The following PMM2 variants were observed in gnomAD, a reference collection of about 807,000 sequenced individuals.
The protein encoded by PMM2 is phosphomannomutase 2.
A neutral mutation model predicts 33.2 loss-of-function variants in PMM2; 35 were observed. The observed-to-expected ratio is 1.06, with a 90% CI of 0.81 to 1.40. The LOEUF (loss-of-function observed/expected upper bound fraction) is 1.40. Among genes scored for constraint, PMM2 ranks in the 40% most tolerant of loss-of-function variants. The probability of loss-of-function intolerance (pLI) is 0.00; values close to 1 mark genes in which losing one functional copy is unlikely to be tolerated. For missense variants in PMM2, 386 were observed against 306.0 expected (o/e 1.26, Z -1.95); for synonymous variants, 153 against 114.7 (o/e 1.33, Z -2.13).
At chr16:8,817,864 ATTTTAT>A (rs1189691290) in intron 7 of PMM2, among the ~76,000 whole-genome samples, 4 of 150,618 alleles carry the variant, frequency 2.7e-5, no homozygotes, top group Non-Finnish European at 5.9e-5. Flanking sequence ...CTCTTAACGT[ATTTTAT>A]TTTTATCATA....
intron 3 of PMM2, among the ~76,000 whole-genome samples, chr16:8,806,073 G>A (rs1365239803): frequency 6.6e-6 from 1 of 152,160 alleles, no homozygotes; most frequent in South Asian, 2.1e-4. Flanking sequence ...GAACAATAAT[G>A]AGTACAAAAA....
intron 7 of PMM2, among the ~76,000 whole-genome samples, chr16:8,834,057 T>C (rs1288673606): frequency 6.6e-6 from 1 of 152,022 alleles, no homozygotes; most frequent in Non-Finnish European, 1.5e-5. Flanking sequence ...ACAGTCTAAG[T>C]TGGTCTGGTG....
chr16:8,803,748 A>G lies in PMM2; in HGVS notation c.179-1019A>G, dbSNP rs535310212. The stretch of plus-strand genomic sequence containing the variant: ...TCTTATTCTCTGGTGCAGTGGCACA[A>G]TCTTGGCTCACTGTAACCTCTGCGT... On this transcript the variant is annotated intron_variant, in intron 2 of 7. Coordinates refer to ENST00000268261, the MANE Select transcript of PMM2 (RefSeq NM_000303.3). 5.3e-5 allele frequency among the ~76,000 whole-genome samples: 8 copies of G among 152,078 alleles called. No homozygotes were observed. The East Asian group carries it at 7.7e-4, about 15-fold the overall frequency.
chr16:8,800,386 G>A (rs1300011356), intron 1 of PMM2, among the ~76,000 whole-genome samples: 2 of 150,636 alleles, frequency 1.3e-5, no homozygotes, highest in Admixed American at 1.3e-4. Context: ...AAGACATTCA[G>A]TGTAAATGTA....
At chr16:8,826,537 A>G (rs1031505980) in intron 7 of PMM2, among the ~76,000 whole-genome samples, 4 of 152,244 alleles carry the variant, frequency 2.6e-5, no homozygotes, top group Non-Finnish European at 4.4e-5. Context: ...CAGAAACAGT[A>G]TCTGATCTGC....
intron 7 of PMM2, among the ~76,000 whole-genome samples, chr16:8,831,670 T>A (rs980451274): frequency 1.3e-5 from 2 of 152,202 alleles, no homozygotes; most frequent in Admixed American, 6.5e-5. Context: ...TTCCTCTCTT[T>A]GGATGATTGG....
At chr16:8,811,514 C>G (rs1407937202) in intron 5 of PMM2, 124 bp from the exon 6 acceptor site, 3 of 730,738 alleles carry the variant, frequency 4.1e-6, no homozygotes, top group Non-Finnish European at 7.2e-6. Flanking sequence ...AGCAAGACCC[C>G]CATCTCAAAA....
chr16:8,820,999 C>T (rs774846160), intron 7 of PMM2, among the ~76,000 whole-genome samples: 2 of 33,764 alleles, frequency 5.9e-5, no homozygotes, highest in South Asian at 1.8e-3. Context: ...TTGGCCTTTG[C>T]GATCCTGGAC....
intron 1 of PMM2, among the ~76,000 whole-genome samples, chr16:8,800,080 C>T (rs891577963): frequency 4.6e-5 from 7 of 152,066 alleles, no homozygotes; most frequent in African/African-American, 1.2e-4. Flanking sequence ...GATATTCAGC[C>T]GGGCACGGTA....
chr16:8,832,413 A>G, intron 7 of PMM2: 1 of 985,390 alleles, frequency 1.0e-6, no homozygotes, highest in African/African-American at 1.7e-5. Context: ...TCAGCGAGTT[A>G]CATGCACACA....
At chr16:8,827,763 C>CATTTAT (rs1567164692) in intron 7 of PMM2, among the ~76,000 whole-genome samples, 7 of 49,250 alleles carry the variant, frequency 1.4e-4, no homozygotes, top group South Asian at 6.8e-4. Flanking sequence ...TATATATATG[C>CATTTAT]ACACATTTAT....
chr16:8,808,168 T>C (rs2060657152), intron 4 of PMM2: 2 of 152,168 alleles, frequency 1.3e-5, no homozygotes, highest in Middle Eastern at 3.2e-3. Context: ...TGCAGGAATG[T>C]CCCTTAGCCG....
intron 7 of PMM2, among the ~76,000 whole-genome samples, chr16:8,841,389 C>G (rs539134350): frequency 3.1e-4 from 47 of 150,426 alleles, no homozygotes; most frequent in Middle Eastern, 3.4e-3. Context: ...TCTACTTAGA[C>G]TAAGAGGTAT....
chr16:8,817,586 T>TA (rs2060715127), intron 7 of PMM2, among the ~76,000 whole-genome samples: 1 of 152,258 alleles, frequency 6.6e-6, no homozygotes, highest in African/African-American at 2.4e-5. Flanking sequence ...ATTTGGGAAT[T>TA]AGAGGGTTTT....
rs954394362 is a variant in PMM2 at position 8,848,346 on chromosome 16, C to T, written c.*521C>T. 7 of 188,580 alleles carry T rather than the reference C, an allele frequency of 3.7e-5. No individual in the cohort carries two copies. Among genetic ancestry groups the T allele is most frequent in the Admixed American group, 3.2e-4 (6 of 18,788 alleles). The allele number at this position is 188,580 out of a possible 1,614,324, so 11.7% of individuals were successfully genotyped here. On this transcript the variant is annotated 3_prime_UTR_variant, in exon 8 of 8. Transcript: ENST00000268261. ...TGGAACGAAGCTCCCGCCTGCATGT[C>T]ACCTTGATGGGGGCTGTGAGTGGGG...
At chr16:8,835,155 G>T (rs1366712349) in intron 7 of PMM2, among the ~76,000 whole-genome samples, 1 of 149,856 alleles carries the variant, frequency 6.7e-6, no homozygotes, top group Admixed American at 6.7e-5. Context: ...GTAAGGTCAA[G>T]TTGTTTGGAC....
intron 7 of PMM2, 52 bp downstream of exon 7, chr16:8,813,158 G>T: frequency 2.6e-6 from 3 of 1,154,286 alleles, no homozygotes; most frequent in Non-Finnish European, 3.9e-6. Flanking sequence ...CGCTTGATGG[G>T]GGAAATTGAC....
chr16:8,800,841 G>A (rs545960114), intron 1 of PMM2, among the ~76,000 whole-genome samples: 11 of 152,134 alleles, frequency 7.2e-5, no homozygotes, highest in African/African-American at 2.2e-4. Flanking sequence ...CCACCAGCGC[G>A]CCCGCCTAAT....
At chr16:8,836,471 G>T (rs1195739292) in intron 7 of PMM2, among the ~76,000 whole-genome samples, 102 of 152,090 alleles carry the variant, frequency 6.7e-4, no homozygotes, top group African/African-American at 2.3e-3. Flanking sequence ...TTTCCAGCAC[G>T]TGTAGCAAGC....
Sources: allele counts gnomAD v4.1 joint callset (sites outside exome capture counted in the v4.1 genomes callset), GRCh38; gene constraint gnomAD v4.1.1; transcripts MANE v1.5; gene names NCBI Gene and HGNC (gene_info 2026-07-23, HGNC 2026-07-21).